The following ASIC2 variants were observed in gnomAD, a reference collection of about 807,000 sequenced individuals.
ASIC2 encodes the protein acid-sensing ion channel 2.
A neutral mutation model predicts 57.3 loss-of-function variants in ASIC2; 25 were observed. The ratio of observed to expected loss-of-function variants is 0.44; its 90% CI spans 0.32 to 0.61. The LOEUF is 0.61. ASIC2 is among the 20% of genes least tolerant of loss of function. The pLI is 0.06. For synonymous variants in ASIC2, 319 were observed against 307.5 expected, an observed-to-expected ratio of 1.04 and a Z score of -0.39; for missense variants, 641 against 738.1, an observed-to-expected ratio of 0.87 and a Z score of 1.52.
intron 1 of ASIC2, among the ~76,000 whole-genome samples, chr17:33,757,532 T>A (rs1910644616): frequency 1.3e-5 from 2 of 152,182 alleles, no homozygotes; most frequent in Admixed American, 6.5e-5. Context: ...ATTCACAAGA[T>A]CTTTGGACCA....
chr17:33,885,156 CT>C (rs1597916322), intron 1 of ASIC2, among the ~76,000 whole-genome samples: 1 of 152,320 alleles, frequency 6.6e-6, no homozygotes, highest in Admixed American at 6.5e-5. Context: ...GTAGCACAGG[CT>C]GGTGTCAAAC....
chr17:33,635,760 A>G (rs1344797425), intron 1 of ASIC2, among the ~76,000 whole-genome samples: 1 of 152,176 alleles, frequency 6.6e-6, no homozygotes, highest in Non-Finnish European at 1.5e-5. Context: ...CAACAGAGGA[A>G]CTGGAAGCTT....
At chr17:33,780,960 T>G (rs539220266) in intron 1 of ASIC2, among the ~76,000 whole-genome samples, 2 of 152,330 alleles carry the variant, frequency 1.3e-5, no homozygotes, top group East Asian at 3.9e-4. Flanking sequence ...TGTGATAAGT[T>G]AATGTGTGTG....
At chr17:33,878,544 A>G (rs1277328408) in intron 1 of ASIC2, among the ~76,000 whole-genome samples, 3 of 152,220 alleles carry the variant, frequency 2.0e-5, no homozygotes, top group Non-Finnish European at 2.9e-5. Flanking sequence ...AAGCAAGAAG[A>G]GAAGTTTAGA....
intron 1 of ASIC2, among the ~76,000 whole-genome samples, chr17:33,195,422 T>A (rs755947423): frequency 1.3e-5 from 2 of 152,208 alleles, no homozygotes; most frequent in Non-Finnish European, 2.9e-5. Flanking sequence ...GTCAGGATTA[T>A]GGGTGGAAAA....
intron 1 of ASIC2, among the ~76,000 whole-genome samples, chr17:33,806,845 AGTTGT>A (rs1263973568): frequency 3.3e-5 from 5 of 152,216 alleles, no homozygotes; most frequent in Non-Finnish European, 7.3e-5. Flanking sequence ...CTGTGCAAGA[AGTTGT>A]GTGTTTTAAC....
At chr17:33,694,033 A>G (rs1908453748) in intron 1 of ASIC2, among the ~76,000 whole-genome samples, 2 of 152,152 alleles carry the variant, frequency 1.3e-5, no homozygotes, top group Admixed American at 6.5e-5. Context: ...TGCCCACATT[A>G]CTTGCTTGCT....
intron 1 of ASIC2, among the ~76,000 whole-genome samples, chr17:33,511,637 C>T (rs1914433485): frequency 6.6e-6 from 1 of 152,230 alleles, no homozygotes. Flanking sequence ...GCCATTGCTG[C>T]CTCTGGCCTG....
intron 3 of ASIC2, among the ~76,000 whole-genome samples, chr17:33,035,073 G>C (rs959134571): frequency 6.6e-6 from 1 of 151,898 alleles, no homozygotes; most frequent in African/African-American, 2.4e-5. Context: ...CTCAAGTTTG[G>C]CATTCATTTA....
At chr17:33,711,174 G>A (rs762036382) in intron 1 of ASIC2, among the ~76,000 whole-genome samples, 2 of 152,128 alleles carry the variant, frequency 1.3e-5, no homozygotes, top group African/African-American at 2.4e-5. Context: ...AAGGTGCAGC[G>A]GGGCACCTGT....
At chr17:33,742,592 A>T (rs1490920) in intron 1 of ASIC2, among the ~76,000 whole-genome samples, 1 of 151,990 alleles carries the variant, frequency 6.6e-6, no homozygotes, top group Admixed American at 6.5e-5. Flanking sequence ...TAGACAAATG[A>T]ATGGATAAAT....
rs145785689 is a variant in ASIC2 at position 33,758,386 on chromosome 17, T to C, written c.555+397592A>G. ...ATTGTATACAGTCCCATTGCATTGT[T>C]TGAACATGTGTATAAAATGTATAGT... On this transcript the variant is annotated intron_variant, in intron 1 of 9. Transcript: ENST00000359872. 3.3e-3 allele frequency among the ~76,000 whole-genome samples: 505 copies of C among 152,346 alleles called. 1 individual carries two copies. The highest frequency in any genetic ancestry group is 0.012 in the African/African-American group (489 of 41,582).
At chr17:33,444,447 A>G (rs1449893600) in intron 1 of ASIC2, among the ~76,000 whole-genome samples, 3 of 152,228 alleles carry the variant, frequency 2.0e-5, no homozygotes, top group Non-Finnish European at 4.4e-5. Flanking sequence ...AGGGGTGCAG[A>G]GCAGTGGAGG....
At chr17:33,390,683 T>C (rs75474473) in intron 1 of ASIC2, among the ~76,000 whole-genome samples, 2,724 of 152,288 alleles carry the variant, frequency 0.018, 36 homozygotes, top group African/African-American at 0.03. Flanking sequence ...CAACAAGTCC[T>C]CTGCCGCTAG....
rs1011429238 is a variant in ASIC2 at position 33,339,301 on chromosome 17, G to A, written c.556-227234C>T. Among the ~76,000 whole-genome samples, 3 of 152,234 alleles carry A rather than the reference G, an allele frequency of 2.0e-5. No individual in the cohort carries two copies. In the East Asian group the frequency reaches 5.8e-4, roughly 29 times the overall value. Reference sequence around the variant, plus strand: ...ACTGAAGTTTCAGTTCTACAGGTCTGGGGGCAGCAAACTTTTCACGTAGAT... The same window carrying A: ...ACTGAAGTTTCAGTTCTACAGGTCTAGGGGCAGCAAACTTTTCACGTAGAT... On this transcript the variant is annotated intron_variant, in intron 1 of 9. Transcript: ENST00000359872.
intron 6 of ASIC2, among the ~76,000 whole-genome samples, chr17:33,023,640 C>T (rs1002163777): frequency 6.6e-6 from 1 of 152,170 alleles, no homozygotes; most frequent in Non-Finnish European, 1.5e-5. Context: ...GTGCTTGTCT[C>T]TCCATAAGAC....
intron 1 of ASIC2, among the ~76,000 whole-genome samples, chr17:33,397,878 T>G (rs1319817527): frequency 6.6e-6 from 1 of 152,270 alleles, no homozygotes; most frequent in Non-Finnish European, 1.5e-5. Flanking sequence ...ATTAACTGCA[T>G]CATATTTTAA....
intron 3 of ASIC2, among the ~76,000 whole-genome samples, chr17:33,040,610 T>G (rs1430206061): frequency 1.3e-5 from 2 of 152,222 alleles, no homozygotes; most frequent in African/African-American, 4.8e-5. Context: ...CAGAACATGC[T>G]TTCTTCCTTT....
intron 1 of ASIC2, among the ~76,000 whole-genome samples, chr17:34,143,463 G>A (rs536461065): frequency 2.2e-4 from 33 of 152,346 alleles, no homozygotes; most frequent in African/African-American, 7.2e-4. Flanking sequence ...GTTACTTCTT[G>A]TAGGAATGAA....
Sources: allele counts gnomAD v4.1 joint callset (sites outside exome capture counted in the v4.1 genomes callset), GRCh38; gene constraint gnomAD v4.1.1; transcripts MANE v1.5; gene names NCBI Gene and HGNC (gene_info 2026-07-23, HGNC 2026-07-21).